Variants in CASR observed in about 807,000 individuals in gnomAD.
CASR encodes extracellular calcium-sensing receptor.
In CASR, 23 loss-of-function variants were observed where a neutral mutation model predicts 69.1. That is an observed-to-expected ratio of 0.33 (90% CI 0.24 to 0.47). The LOEUF (loss-of-function observed/expected upper bound fraction) is 0.47. CASR is among the 20% of genes least tolerant of loss of function. The pLI, the probability that CASR is intolerant of heterozygous loss-of-function variation, is 1.00. For missense variants in CASR, 924 were observed against 1,356.1 expected (o/e 0.68, Z 5.00); for synonymous variants, 541 against 544.7 (o/e 0.99, Z 0.10).
At chr3:122,227,918 A>C (rs56242285) in intron 1 of CASR, among the ~76,000 whole-genome samples, 108,933 of 152,100 alleles carry the variant, frequency 0.72, 39,301 homozygotes, top group Admixed American at 0.82. Context: ...ATAAATAAAT[A>C]AATCAATCCC....
In CASR at chr3:122,285,314, C is replaced by T. The variant is rs931373222; in HGVS notation, c.*123C>T. ...GGGATAATAGACACATCAAATGCCCCGAATTTAGTCACACCATCTTAAATG... is the reference window on the plus strand; with the variant it reads ...GGGATAATAGACACATCAAATGCCCTGAATTTAGTCACACCATCTTAAATG... On this transcript the variant is annotated 3_prime_UTR_variant, in exon 7 of 7. Coordinates refer to ENST00000639785, the MANE Select transcript of CASR (RefSeq NM_000388.4). The T allele has an allele frequency of 1.2e-6, 1 of 834,918 alleles. No homozygotes were observed. Among genetic ancestry groups the T allele is most frequent in the Non-Finnish European group, 2.0e-6 (1 of 496,960 alleles). 51.7% of individuals were successfully genotyped at this position (834,918 alleles called of 1,614,324 possible).
intron 1 of CASR, among the ~76,000 whole-genome samples, chr3:122,221,892 C>T (rs2074175489): frequency 6.6e-6 from 1 of 152,164 alleles, no homozygotes. Context: ...CTATTGCTCA[C>T]CTCCCTCTTA....
Position 122,285,242 on chromosome 3 carries a change from TC to T in CASR, c.*54del. On this transcript the variant is annotated 3_prime_UTR_variant, in exon 7 of 7. Coordinates refer to ENST00000639785, the MANE Select transcript of CASR (RefSeq NM_000388.4). ...GAGAATGCAGAGAGGTTTCTTGGGG[TC>T]CCAGGGAAGAGGAATCGCCCCAGAC... is the stretch of plus-strand genomic sequence containing the variant. 1 of 1,565,840 alleles carries T rather than the reference TC, an allele frequency of 6.4e-7. No individual in the cohort carries two copies. Among genetic ancestry groups the T allele is most frequent in the Non-Finnish European group, 8.8e-7 (1 of 1,138,134 alleles).
chr3:122,257,607 A>G (rs765699519), intron 3 of CASR: 12 of 521,008 alleles, frequency 2.3e-5, no homozygotes, highest in Non-Finnish European at 4.1e-5. Context: ...ATTCTTTTAA[A>G]TGTACCTTGC....
chr3:122,218,523 C>A lies in CASR; in HGVS notation c.-243+34711C>A, dbSNP rs558176514. 3.5e-4 allele frequency among the ~76,000 whole-genome samples: 42 copies of A among 121,198 alleles called. No individual in the cohort carries two copies. In the Middle Eastern group the frequency reaches 0.02, roughly 57 times the overall value. The allele number at this position is 121,198 out of a possible 152,430, so 79.5% of individuals were successfully genotyped here. A position where few individuals can be genotyped will look rare whatever the true frequency, so the allele number is the denominator to read the frequency against. ...CACTCCAGCGACAGAGTTCTGGCAA[C>A]AGAGCGAGACTCTGTCTCAAAAAAA... On this transcript the variant is annotated intron_variant, in intron 1 of 6. Coordinates refer to ENST00000639785, the MANE Select transcript of CASR (RefSeq NM_000388.4).
chr3:122,259,463 G>A (rs4678072), intron 3 of CASR, among the ~76,000 whole-genome samples: 139,985 of 152,098 alleles, frequency 0.92, 64,723 homozygotes, highest in East Asian at 0.98. Flanking sequence ...ATTCTGATAA[G>A]GGAAAAAATT....
intron 1 of CASR, among the ~76,000 whole-genome samples, chr3:122,217,350 C>T (rs1316865645): frequency 6.6e-6 from 1 of 152,126 alleles, no homozygotes; most frequent in East Asian, 1.9e-4. Flanking sequence ...ATCTGCCTGC[C>T]TCGGCCTCCC....
chr3:122,207,601 A>C (rs536872526), intron 1 of CASR, among the ~76,000 whole-genome samples: 1 of 152,294 alleles, frequency 6.6e-6, no homozygotes, highest in Admixed American at 6.5e-5. Flanking sequence ...TAAGAAGGAC[A>C]TTTTAAAATG....
chr3:122,208,992 A>G (rs1017218300), intron 1 of CASR, among the ~76,000 whole-genome samples: 6 of 152,188 alleles, frequency 3.9e-5, no homozygotes, highest in Non-Finnish European at 7.3e-5. Context: ...CTCAGTATAT[A>G]CCATTTCCCC....
intron 1 of CASR, among the ~76,000 whole-genome samples, chr3:122,234,190 G>A (rs988487202): frequency 2.0e-5 from 3 of 152,166 alleles, no homozygotes; most frequent in Non-Finnish European, 4.4e-5. Context: ...AACTTTTTCA[G>A]TAAAAGGCCA....
At chr3:122,246,628 T>G (rs914717896) in intron 1 of CASR, 1 of 152,252 alleles carries the variant, frequency 6.6e-6, no homozygotes, top group Non-Finnish European at 1.5e-5. Context: ...TATCGGCGCT[T>G]GAGAGCCGAT....
chr3:122,285,420 T>TACGGCGACCACC lies in CASR; in HGVS notation c.*229_*230insACGGCGACCACC. On this transcript the variant is annotated 3_prime_UTR_variant, in exon 7 of 7. Transcript: ENST00000639785. ...TCTGTGGTTGCATTTGTCAAAGCATTGAGATCTCCACGGTCAGATTTGCTG... is the reference window on the plus strand; with the variant it reads ...TCTGTGGTTGCATTTGTCAAAGCATTACGGCGACCACCGAGATCTCCACGGTCAGATTTGCTG... 4.2e-6 allele frequency: 2 copies of TACGGCGACCACC among 471,148 alleles called. No homozygotes were observed. The highest frequency in any genetic ancestry group is 7.7e-6 in the Non-Finnish European group (2 of 259,440). The allele number at this position is 471,148 out of a possible 1,614,324, so 29.2% of individuals were successfully genotyped here.
intron 1 of CASR, among the ~76,000 whole-genome samples, chr3:122,217,523 A>G (rs13327652): frequency 0.24 from 36,448 of 152,136 alleles, 5,425 homozygotes; most frequent in Admixed American, 0.43. Flanking sequence ...TTGAAATCCA[A>G]TGAACGAGTA....
chr3:122,245,196 A>T (rs1444393868), intron 1 of CASR, among the ~76,000 whole-genome samples: 5 of 152,282 alleles, frequency 3.3e-5, no homozygotes, highest in African/African-American at 9.6e-5. Flanking sequence ...ATGCTCCATA[A>T]ATACTTGTTA....
chr3:122,199,569 T>A (rs2010485), intron 1 of CASR, among the ~76,000 whole-genome samples: 137,357 of 152,220 alleles, frequency 0.9, 62,662 homozygotes, highest in Admixed American at 0.93. Flanking sequence ...ATTATAGAGG[T>A]TTATTTCTCT....
chr3:122,198,442 T>C (rs1282119152), intron 1 of CASR, among the ~76,000 whole-genome samples: 2 of 152,220 alleles, frequency 1.3e-5, no homozygotes, highest in Admixed American at 1.3e-4. Context: ...GTATTTATGA[T>C]AACAAATATA....
chr3:122,270,509 C>T (rs1472810486), intron 4 of CASR, among the ~76,000 whole-genome samples: 1 of 152,072 alleles, frequency 6.6e-6, no homozygotes, highest in Non-Finnish European at 1.5e-5. Flanking sequence ...TATTTCTATT[C>T]TGATCTTTGT....
chr3:122,199,052 C>T (rs2073917296), intron 1 of CASR, among the ~76,000 whole-genome samples: 2 of 152,130 alleles, frequency 1.3e-5, no homozygotes, highest in Admixed American at 1.3e-4. Flanking sequence ...GTTCATTATG[C>T]TACTACTTGT....
rs2074930623 is a variant in CASR, at chr3:122,284,039, C to G, written c.2085C>G (p.Ile695Met). The G allele has an allele frequency of 1.2e-6, 2 of 1,614,188 alleles. No homozygotes were observed. The highest frequency in any genetic ancestry group is 1.7e-6 in the Non-Finnish European group (2 of 1,180,028). Residue 695 changes from isoleucine to methionine, a missense_variant, in exon 7 of 7, where the codon ATC becomes ATG. This residue lies in a region of CASR where 184 missense variants were observed against 278.8 expected (regional missense o/e 0.66). Coordinates refer to ENST00000639785, the MANE Select transcript of CASR (RefSeq NM_000388.4). ...GCTTCGTGCTCTGCATCTCATGCAT[C>G]CTGGTGAAAACCAACCGTGTCCTCC... ...GISFVLCISC[I>M]LVKTNRVLLV...
Sources: allele counts gnomAD v4.1 joint callset (sites outside exome capture counted in the v4.1 genomes callset), GRCh38; gene constraint gnomAD v4.1.1; regional missense constraint gnomAD v4.1.1; transcripts MANE v1.5; gene names NCBI Gene and HGNC (gene_info 2026-07-23, HGNC 2026-07-21).